Variants in RELN observed in about 807,000 individuals in gnomAD.
The protein encoded by RELN is reelin.
Under a neutral mutation model 427.6 loss-of-function variants are expected in RELN, and 108 were observed. The observed-to-expected ratio is 0.25, with a 90% CI of 0.22 to 0.30. RELN has a LOEUF of 0.30. Among genes scored for constraint, RELN ranks in the 10% least tolerant of loss-of-function variants. The probability of loss-of-function intolerance (pLI) is 1.00; values close to 1 mark genes in which losing one functional copy is unlikely to be tolerated. For missense variants in RELN, 3,715 were observed against 4,302.8 expected (o/e 0.86, Z 3.82); for synonymous variants, 1,524 against 1,513.4 (o/e 1.01, Z -0.16).
chr7:103,931,628 G>A (rs1014449223), intron 1 of RELN, among the ~76,000 whole-genome samples: 1 of 152,186 alleles, frequency 6.6e-6, no homozygotes, highest in African/African-American at 2.4e-5. Context: ...TACAGTTGAA[G>A]TCCCTTATGA....
At chr7:103,530,844 C>A (rs2283020) in intron 46 of RELN, among the ~76,000 whole-genome samples, 18,540 of 152,222 alleles carry the variant, frequency 0.12, 1,339 homozygotes, top group South Asian at 0.3. Flanking sequence ...TGCAGCATTT[C>A]TAGCCCATTC....
intron 5 of RELN, among the ~76,000 whole-genome samples, chr7:103,750,717 C>T (rs1790977575): frequency 6.6e-6 from 1 of 152,164 alleles, no homozygotes; most frequent in Non-Finnish European, 1.5e-5. Flanking sequence ...TCATCTTTTA[C>T]TGAATGTTTT....
rs1832415615 is a variant in RELN at position 103,629,963 on chromosome 7, G to A, written c.2679C>T (p.Tyr893=). 1.2e-6 allele frequency: 2 copies of A among 1,611,668 alleles called. No homozygotes were observed. The highest frequency in any genetic ancestry group is 1.7e-6 in the Non-Finnish European group (2 of 1,177,840). Residue 893 remains tyrosine, a synonymous_variant, in exon 20 of 65, where the codon TAC becomes TAT. Transcript: ENST00000428762. ...ACCAAAGGGTCCAGTCGTGGCCACA[G>A]TATGGCTGAACATTTCCAAGGTAGA... ...LGFYLGNVQP[Y]CGHDWTLCFT... is the part of the protein sequence containing the mutation.
intron 6 of RELN, among the ~76,000 whole-genome samples, chr7:103,742,660 G>T (rs1333594506): frequency 1.3e-5 from 2 of 152,210 alleles, no homozygotes; most frequent in African/African-American, 4.8e-5. Flanking sequence ...GGAAGAAAGG[G>T]TATCAGTGAT....
intron 61 of RELN, 86 bp from the exon 62 acceptor site, chr7:103,483,936 G>C: frequency 7.5e-7 from 1 of 1,341,306 alleles, no homozygotes; most frequent in African/African-American, 1.4e-5. Flanking sequence ...CTGGAGTACA[G>C]TGGTGTGATC....
chr7:103,910,380 T>C (rs1795337352), intron 2 of RELN, among the ~76,000 whole-genome samples: 4 of 150,906 alleles, frequency 2.7e-5, no homozygotes, highest in African/African-American at 9.8e-5. Context: ...TGATTTCCTC[T>C]TTTCCTAATT....
intron 46 of RELN, 56 bp downstream of exon 46, chr7:103,535,260 A>G: frequency 1.3e-6 from 2 of 1,537,516 alleles, no homozygotes; most frequent in East Asian, 2.2e-5. Context: ...AAATGTTATC[A>G]CATTTGGGCT....
At chr7:103,823,238 A>C (rs1793053184) in intron 3 of RELN, among the ~76,000 whole-genome samples, 1 of 110,188 alleles carries the variant, frequency 9.1e-6, no homozygotes. Flanking sequence ...GTTTAGTTTT[A>C]TCTCTTAGAA....
chr7:103,741,572 G>A (rs1790657440), intron 6 of RELN, among the ~76,000 whole-genome samples: 1 of 151,792 alleles, frequency 6.6e-6, no homozygotes, highest in Admixed American at 6.6e-5. Flanking sequence ...AGGGAAGAAG[G>A]AAGAAAAGGA....
At chr7:103,732,528 C>A (rs545891793) in intron 6 of RELN, among the ~76,000 whole-genome samples, 2 of 152,116 alleles carry the variant, frequency 1.3e-5, no homozygotes, top group South Asian at 4.2e-4. Context: ...TCATGATGAA[C>A]ACAATGATCC....
intron 29 of RELN, among the ~76,000 whole-genome samples, chr7:103,575,017 T>C (rs117989788): frequency 0.033 from 5,057 of 152,256 alleles, 136 homozygotes; most frequent in Non-Finnish European, 0.046. Flanking sequence ...ACGTTTCCTA[T>C]AGTGATGTAG....
In RELN at chr7:103,556,815, C is replaced by T. The variant is rs117613130; in HGVS notation, c.5797+162G>A. Among the ~76,000 whole-genome samples the T allele has an allele frequency of 2.2e-4, 33 of 152,252 alleles. No homozygotes were observed. The East Asian group carries it at 5.0e-3, about 23-fold the overall frequency. ...TCTGGGTTTGTCTTTATCAAGAGCACGAAAACGGACTAATACATTTGTCAA... is the reference window on the plus strand; with the variant it reads ...TCTGGGTTTGTCTTTATCAAGAGCATGAAAACGGACTAATACATTTGTCAA... On this transcript the variant is annotated intron_variant, in intron 38 of 64. Transcript: ENST00000428762.
At chr7:103,949,041 A>AC (rs1563106803) in intron 1 of RELN, among the ~76,000 whole-genome samples, 12 of 145,630 alleles carry the variant, frequency 8.2e-5, no homozygotes, top group African/African-American at 2.3e-4. Flanking sequence ...AAAAAAAAAA[A>AC]AAAAAACCCG....
At chr7:103,540,596 C>T (rs1830157427) in intron 43 of RELN, 141 bp from the exon 44 acceptor site, 9 of 739,922 alleles carry the variant, frequency 1.2e-5, no homozygotes, top group South Asian at 3.3e-5. Flanking sequence ...AAAGCAATCA[C>T]TTCAAAGTCT....
intron 41 of RELN, among the ~76,000 whole-genome samples, chr7:103,549,476 A>G (rs924459993): frequency 1.3e-5 from 2 of 152,160 alleles, no homozygotes; most frequent in Non-Finnish European, 2.9e-5. Context: ...GTGAATTTCA[A>G]CAAAAATTCA....
Position 103,551,096 on chromosome 7 carries a change from G to C in RELN, c.6273C>G (p.Val2091=). 6.2e-7 allele frequency: 1 copy of C among 1,613,698 alleles called. No homozygotes were observed. The highest frequency in any genetic ancestry group is 8.5e-7 in the Non-Finnish European group (1 of 1,179,976). Residue 2091 remains valine (V), a synonymous_variant, in exon 41 of 65, where the codon GTC becomes GTG. Coordinates refer to ENST00000428762, the MANE Select transcript of RELN (RefSeq NM_005045.4). ...AGTMQGWRRE[V]VHFGKLHLCG... ...AAAGGTGCAGCTTCCCAAAGTGCAC[G>C]ACCTCCCTCCTCCAGCCCTGCATGG...
intron 1 of RELN, among the ~76,000 whole-genome samples, chr7:103,964,132 C>G (rs753410364): frequency 9.9e-5 from 15 of 152,022 alleles, no homozygotes; most frequent in Non-Finnish European, 2.1e-4. Context: ...GCACTCCAGC[C>G]TGGGTGATAG....
At chr7:103,490,881 CTGTT>C in intron 58 of RELN, 52 bp from the exon 59 acceptor site, 1 of 1,575,130 alleles carries the variant, frequency 6.3e-7, no homozygotes. Context: ...AACATATAAT[CTGTT>C]AATGTCAAGG....
chr7:103,530,396 C>T (rs894049355), intron 46 of RELN, among the ~76,000 whole-genome samples: 1 of 152,196 alleles, frequency 6.6e-6, no homozygotes, highest in Non-Finnish European at 1.5e-5. Flanking sequence ...GCCTCATTCC[C>T]TCAGCTGTAG....
Sources: allele counts gnomAD v4.1 joint callset (sites outside exome capture counted in the v4.1 genomes callset), GRCh38; gene constraint gnomAD v4.1.1; transcripts MANE v1.5; gene names NCBI Gene and HGNC (gene_info 2026-07-23, HGNC 2026-07-21).